Variants in DAGLA observed in about 807,000 individuals in gnomAD.
DAGLA encodes diacylglycerol lipase-alpha.
In DAGLA, 22 loss-of-function variants were observed where a neutral mutation model predicts 102.6. The observed-to-expected ratio is 0.21, with a 90% CI of 0.15 to 0.31. DAGLA has a LOEUF of 0.31. Among genes scored for constraint, DAGLA ranks in the 10% least tolerant of loss-of-function variants. DAGLA has a pLI of 1.00. For synonymous variants in DAGLA, 578 were observed against 628.9 expected, an observed-to-expected ratio of 0.92 and a Z score of 1.21; for missense variants, 927 against 1,446.6, an observed-to-expected ratio of 0.64 and a Z score of 5.83.
At chr11:61,696,896 G>A (rs1322053051) in intron 1 of DAGLA, among the ~76,000 whole-genome samples, 3 of 152,072 alleles carry the variant, frequency 2.0e-5, no homozygotes, top group Non-Finnish European at 4.4e-5. Flanking sequence ...GCAGAGCTGC[G>A]TGGGGTGGGA....
intron 19 of DAGLA, among the ~76,000 whole-genome samples, chr11:61,743,307 G>T (rs1360538860): frequency 6.7e-6 from 1 of 149,496 alleles, no homozygotes; most frequent in East Asian, 2.0e-4. Flanking sequence ...AGCTTGCAGT[G>T]AGCCAAGATC....
intron 1 of DAGLA, among the ~76,000 whole-genome samples, chr11:61,702,515 T>C (rs1236813908): frequency 1.3e-5 from 2 of 152,124 alleles, no homozygotes; most frequent in Non-Finnish European, 2.9e-5. Flanking sequence ...CCTAGGGAAA[T>C]TAGAGATCAT....
chr11:61,731,723 G>A (rs2065377160), intron 9 of DAGLA, among the ~76,000 whole-genome samples: 1 of 152,186 alleles, frequency 6.6e-6, no homozygotes. Context: ...AAGTGGAGAT[G>A]TTGATACATA....
intron 1 of DAGLA, among the ~76,000 whole-genome samples, chr11:61,704,932 T>C (rs922327544): frequency 2.0e-5 from 3 of 152,100 alleles, no homozygotes; most frequent in Admixed American, 2.0e-4. Context: ...CCCTCAGCGG[T>C]GGGAGCAGAG....
intron 1 of DAGLA, among the ~76,000 whole-genome samples, chr11:61,694,866 G>T (rs527777676): frequency 6.6e-6 from 1 of 152,204 alleles, no homozygotes; most frequent in Non-Finnish European, 1.5e-5. Flanking sequence ...TGGGAAGAGC[G>T]AGAGGCCTGG....
rs373356660 is a variant in DAGLA at position 61,720,764 on chromosome 11, G to A, written c.181G>A (p.Gly61Ser). The change falls in exon 3 of 20, where the codon GGC becomes AGC. Residue 61 changes from glycine to serine, a missense_variant. Coordinates refer to ENST00000257215, the MANE Select transcript of DAGLA (RefSeq NM_006133.3). ...CCTGAACCTGGTGGACCACGGCCGC[G>A]GCTACCTGGGCATCCTGCTGAGCTG... Reference protein sequence around the residue: ...CSLNLVDHGRGYLGILLSCMI... With the variant: ...CSLNLVDHGRSYLGILLSCMI... The A allele has an allele frequency of 3.9e-5, 63 of 1,613,820 alleles. No individual in the cohort carries two copies. Among genetic ancestry groups the A allele is most frequent in the African/African-American group, 5.3e-5 (4 of 74,938 alleles).
Position 61,743,680 on chromosome 11 carries a change from C to A in DAGLA, c.2320C>A (p.Arg774=). The change falls in exon 20 of 20, where the codon CGG becomes AGG. Residue 774 remains arginine, a synonymous_variant. Coordinates refer to ENST00000257215, the MANE Select transcript of DAGLA (RefSeq NM_006133.3). ...ERLAAELQAR[R]APLATMESLS... ...GCTGGCGGCGGAGCTGCAGGCCCGG[C>A]GGGCACCACTGGCCACCATGGAGAG... The A allele has an allele frequency of 6.2e-7, 1 of 1,600,872 alleles. No homozygotes were observed.
chr11:61,705,266 G>A (rs575882282), intron 1 of DAGLA, among the ~76,000 whole-genome samples: 34 of 152,338 alleles, frequency 2.2e-4, no homozygotes, highest in African/African-American at 7.5e-4. Context: ...TACCTGCCCT[G>A]TCTGTCCCCA....
At chr11:61,690,953 G>A (rs1313198841) in intron 1 of DAGLA, among the ~76,000 whole-genome samples, 2 of 152,168 alleles carry the variant, frequency 1.3e-5, no homozygotes, top group African/African-American at 4.8e-5. Context: ...GTACCTCGCC[G>A]GCCGTGGCAG....
chr11:61,686,306 C>G lies in DAGLA; in HGVS notation c.-45+5802C>G, dbSNP rs1327801940. On this transcript the variant is annotated intron_variant, in intron 1 of 19. Transcript: ENST00000257215. This position sits in a 1 kb window ranked among gnomAD's most constrained non-coding sequence, Gnocchi z 5.2. ...TGCCCACACTTGACTTTCAGCGGGT[C>G]TGACTCCCGTCAGTGCTGGGCGGGA... Among the ~76,000 whole-genome samples, 1 of 152,190 alleles carries G rather than the reference C, an allele frequency of 6.6e-6. No homozygotes were observed. Among genetic ancestry groups the G allele is most frequent in the African/African-American group, 2.4e-5 (1 of 41,432 alleles).
chr11:61,682,031 T>C (rs987884749), intron 1 of DAGLA, among the ~76,000 whole-genome samples: 2 of 105,006 alleles, frequency 1.9e-5, no homozygotes, highest in Admixed American at 2.3e-4. Flanking sequence ...AAAAAGATGA[T>C]GTTGAGGGTA....
chr11:61,697,896 C>T (rs570933899), intron 1 of DAGLA, among the ~76,000 whole-genome samples: 2 of 152,194 alleles, frequency 1.3e-5, no homozygotes, highest in Admixed American at 1.3e-4. Flanking sequence ...GGTGTCTCTG[C>T]AGTGAGGAGC....
chr11:61,737,865 A>C, intron 15 of DAGLA, 110 bp downstream of exon 15: 27 of 990,494 alleles, frequency 2.7e-5, no homozygotes, highest in African/African-American at 3.5e-5. Flanking sequence ...CCTGTCTCTC[A>C]AGGGACCCCA....
At chr11:61,691,723 T>C (rs2065026287) in intron 1 of DAGLA, among the ~76,000 whole-genome samples, 1 of 152,300 alleles carries the variant, frequency 6.6e-6, no homozygotes, top group African/African-American at 2.4e-5. Context: ...CTGGTGGTGA[T>C]TGAATGGGAA....
chr11:61,728,445 C>T (rs532838610), intron 7 of DAGLA, among the ~76,000 whole-genome samples, 158 bp downstream of exon 7: 79 of 152,344 alleles, frequency 5.2e-4, no homozygotes, highest in Non-Finnish European at 8.8e-5. Context: ...ACCTCTGGCT[C>T]CCCCTGCCTT....
chr11:61,731,836 TC>T (rs899009240), intron 9 of DAGLA, among the ~76,000 whole-genome samples: 3 of 152,114 alleles, frequency 2.0e-5, no homozygotes, highest in African/African-American at 7.2e-5. Flanking sequence ...CCTCAGCCAT[TC>T]CCTTCTGCCC....
intron 1 of DAGLA, among the ~76,000 whole-genome samples, chr11:61,706,900 C>A (rs866718631): frequency 6.6e-6 from 1 of 152,256 alleles, no homozygotes; most frequent in South Asian, 2.1e-4. Context: ...GCTTGACAGC[C>A]CCAGCTGGGC....
intron 1 of DAGLA, among the ~76,000 whole-genome samples, chr11:61,696,112 G>A (rs919094140): frequency 6.6e-6 from 1 of 152,170 alleles, no homozygotes; most frequent in African/African-American, 2.4e-5. Context: ...AAATGAGAGT[G>A]GGGGAGCCTG....
In DAGLA at chr11:61,737,747, C is replaced by G; in HGVS notation, c.1575C>G (p.Leu525=). Residue 525 remains leucine, a synonymous_variant, in exon 15 of 20, where the codon CTC becomes CTG. Coordinates refer to ENST00000257215, the MANE Select transcript of DAGLA (RefSeq NM_006133.3). ...FVTAVVLGKD[L]VPRIGLSQLE... is the part of the protein sequence containing the mutation. ...CTGCTGTGGTTCTGGGCAAAGACCT[C>G]GTCCCCAGGTGAGTCCTTGGCCCCG... 1 of 1,613,984 alleles carries G rather than the reference C, an allele frequency of 6.2e-7. No homozygotes were observed.
Sources: allele counts gnomAD v4.1 joint callset (sites outside exome capture counted in the v4.1 genomes callset), GRCh38; gene constraint gnomAD v4.1.1; non-coding constraint Gnocchi (gnomAD v3.1); transcripts MANE v1.5; gene names NCBI Gene and HGNC (gene_info 2026-07-23, HGNC 2026-07-21).